JPH1: variants seen among roughly 807,000 people sequenced by gnomAD.
JPH1 encodes junctophilin 1.
JPH1 carries 12 observed loss-of-function variants against 53.6 expected under a neutral mutation model. That is an observed-to-expected ratio of 0.22 (90% CI 0.14 to 0.36). The LOEUF is 0.36. Ranked by LOEUF, JPH1 falls within the 10% of genes least tolerant of loss-of-function variation. The pLI is 1.00. For missense variants in JPH1, 808 were observed against 905.5 expected (o/e 0.89, Z 1.38); for synonymous variants, 375 against 363.8 (o/e 1.03, Z -0.35).
Position 74,321,481 on chromosome 8 carries a change from T to C in JPH1, c.-194A>G. 2.0e-6 allele frequency: 1 copy of C among 499,498 alleles called. No individual in the cohort carries two copies. Among genetic ancestry groups the C allele is most frequent in the Admixed American group, 4.4e-5 (1 of 22,672 alleles). The allele number at this position is 499,498 out of a possible 1,614,324, so 30.9% of individuals were successfully genotyped here. A position where few individuals can be genotyped will look rare whatever the true frequency, so the allele number is the denominator to read the frequency against. On this transcript the variant is annotated 5_prime_UTR_variant, in exon 1 of 6. Coordinates refer to ENST00000342232, the MANE Select transcript of JPH1 (RefSeq NM_020647.4). The surrounding 1 kb of genome is among the most constrained non-coding windows in gnomAD (Gnocchi z 4.3). ...CTCTTTTGCCGCCGCCACCGCCGCC[T>C]TCCTCCTCCTCCTCCTCCTCCTTCG...
At chr8:74,300,917 A>T (rs1017745724) in intron 2 of JPH1, among the ~76,000 whole-genome samples, 3 of 152,198 alleles carry the variant, frequency 2.0e-5, no homozygotes, top group African/African-American at 7.2e-5. Context: ...CATATGAATG[A>T]TGGAGCCTTA....
chr8:74,298,330 T>A (rs778125932), intron 2 of JPH1, among the ~76,000 whole-genome samples: 6 of 152,234 alleles, frequency 3.9e-5, no homozygotes, highest in Non-Finnish European at 8.8e-5. Context: ...GGTTGTTGTA[T>A]ACAAGATGGG....
rs189572038 is a variant in JPH1 at position 74,253,783 on chromosome 8, G to A, written c.1258+5602C>T. Among the ~76,000 whole-genome samples the A allele has an allele frequency of 6.2e-3, 949 of 152,124 alleles. 17 individuals are homozygous for A. Among genetic ancestry groups the A allele is most frequent in the African/African-American group, 0.022 (908 of 41,436 alleles). On this transcript the variant is annotated intron_variant, in intron 3 of 5. Transcript: ENST00000342232. ...TAAACACCTATACACAAATAAACTA[G>A]AAAATCTAGAAGAAATGGATAAATT...
At chr8:74,264,906 T>C (rs1012668277) in intron 2 of JPH1, among the ~76,000 whole-genome samples, 6 of 152,212 alleles carry the variant, frequency 3.9e-5, no homozygotes, top group African/African-American at 1.4e-4. Context: ...TCTCTGATCT[T>C]AACTCCTGTG....
chr8:74,263,709 G>A (rs921400672), intron 2 of JPH1, among the ~76,000 whole-genome samples: 2 of 152,206 alleles, frequency 1.3e-5, no homozygotes, highest in East Asian at 1.9e-4. Context: ...TCCCTACTTC[G>A]ATCCTCCTCT....
intron 2 of JPH1, among the ~76,000 whole-genome samples, chr8:74,272,090 G>GT (rs1806716736): frequency 6.6e-6 from 1 of 152,156 alleles, no homozygotes; most frequent in Non-Finnish European, 1.5e-5. Context: ...TGTCTTCCTA[G>GT]TAACACTTCT....
At chr8:74,313,687 T>C (rs1808059022) in intron 2 of JPH1, among the ~76,000 whole-genome samples, 1 of 152,042 alleles carries the variant, frequency 6.6e-6, no homozygotes, top group Non-Finnish European at 1.5e-5. Context: ...ATTAATTCAA[T>C]GCCAATAACA....
At chr8:74,258,885 CG>C (rs954513553) in intron 3 of JPH1, among the ~76,000 whole-genome samples, 6 of 152,230 alleles carry the variant, frequency 3.9e-5, no homozygotes, top group African/African-American at 1.2e-4. Context: ...ACTCAGACCT[CG>C]GGTGATATTT....
chr8:74,263,866 A>C (rs1806462126), intron 2 of JPH1, among the ~76,000 whole-genome samples: 1 of 152,132 alleles, frequency 6.6e-6, no homozygotes, highest in Non-Finnish European at 1.5e-5. Flanking sequence ...TTCATGAGAG[A>C]CCTAAATTTG....
rs1309257260 is a variant in JPH1 at position 74,320,475 on chromosome 8, C to T, written c.379+434G>A. On this transcript the variant is annotated intron_variant, in intron 1 of 5. Transcript: ENST00000342232. The surrounding 1 kb of genome is among the most constrained non-coding windows in gnomAD (Gnocchi z 4.4). Reference sequence around the variant, plus strand: ...CGGTCAGCACGGACCGCCAACCTCACCCGCTCAGGGTGTTCGCTCTAACTC... The same window carrying T: ...CGGTCAGCACGGACCGCCAACCTCATCCGCTCAGGGTGTTCGCTCTAACTC... Among the ~76,000 whole-genome samples the T allele has an allele frequency of 6.6e-6, 1 of 152,200 alleles. No individual in the cohort carries two copies. The highest frequency in any genetic ancestry group is 1.5e-5 in the Non-Finnish European group (1 of 68,034).
chr8:74,266,518 G>A, intron 2 of JPH1, among the ~76,000 whole-genome samples: 1 of 152,170 alleles, frequency 6.6e-6, no homozygotes, highest in Non-Finnish European at 1.5e-5. Flanking sequence ...AAGTAGAACA[G>A]TAATTTCCAG....
intron 2 of JPH1, among the ~76,000 whole-genome samples, chr8:74,278,124 A>G (rs1806902822): frequency 6.6e-6 from 1 of 152,160 alleles, no homozygotes; most frequent in African/African-American, 2.4e-5. Context: ...GTGTTGTGGG[A>G]GGGACCTGGT....
intron 2 of JPH1, among the ~76,000 whole-genome samples, chr8:74,301,520 G>C (rs1329543840): frequency 6.6e-6 from 1 of 152,170 alleles, no homozygotes; most frequent in African/African-American, 2.4e-5. Context: ...TGCAGTGGGC[G>C]GACAGATCGC....
intron 2 of JPH1, among the ~76,000 whole-genome samples, chr8:74,271,043 G>A (rs529447233): frequency 6.6e-6 from 1 of 152,226 alleles, no homozygotes; most frequent in Admixed American, 6.5e-5. Flanking sequence ...CCAATCCGAG[G>A]TTCAGACTGA....
chr8:74,303,913 G>A (rs554282288), intron 2 of JPH1, among the ~76,000 whole-genome samples: 17 of 151,372 alleles, frequency 1.1e-4, no homozygotes, highest in Non-Finnish European at 1.6e-4. Context: ...CCCTCTTATA[G>A]GTTCAAGAGA....
intron 2 of JPH1, among the ~76,000 whole-genome samples, chr8:74,276,556 T>C (rs1251460653): frequency 6.6e-6 from 1 of 152,236 alleles, no homozygotes; most frequent in Non-Finnish European, 1.5e-5. Flanking sequence ...ACAATAATGA[T>C]AATTACTGTT....
At chr8:74,270,697 T>C (rs1322868155) in intron 2 of JPH1, among the ~76,000 whole-genome samples, 2 of 152,206 alleles carry the variant, frequency 1.3e-5, no homozygotes, top group Non-Finnish European at 2.9e-5. Flanking sequence ...ACAAGAATCA[T>C]GTTAAACCTT....
At chr8:74,259,573 G>A in intron 2 of JPH1, 70 bp from the exon 3 acceptor site, 3 of 1,107,954 alleles carry the variant, frequency 2.7e-6, no homozygotes, top group Non-Finnish European at 3.7e-6. Flanking sequence ...CAAGCAAATT[G>A]TAATCTGGGA....
intron 2 of JPH1, among the ~76,000 whole-genome samples, chr8:74,299,324 T>G (rs2131444026): frequency 6.6e-6 from 1 of 152,338 alleles, no homozygotes. Flanking sequence ...AAGTGTAGCC[T>G]AAAGCTGCCT....
Sources: gnomAD v4.1 joint callset for allele counts (sites outside exome capture counted in the v4.1 genomes callset) on GRCh38, gnomAD v4.1.1 for gene constraint, Gnocchi (gnomAD v3.1) non-coding constraint, MANE v1.5 for transcripts, NCBI Gene and HGNC (gene_info 2026-07-23, HGNC 2026-07-21) for gene names.